Variants in ST18 observed in about 807,000 individuals in gnomAD.
ST18 encodes ST18 C2H2C-type zinc finger transcription factor.
A neutral mutation model predicts 110.0 loss-of-function variants in ST18; 50 were observed. That is an observed-to-expected ratio of 0.45 (90% CI 0.36 to 0.58). ST18 has a LOEUF of 0.58. Ranked by LOEUF, ST18 falls within the 20% of genes least tolerant of loss-of-function variation. ST18 has a pLI of 0.00. For missense variants in ST18, 1,306 were observed against 1,280.1 expected (o/e 1.02, Z -0.31); for synonymous variants, 461 against 452.4 (o/e 1.02, Z -0.24).
rs367778070 is a variant in ST18, at chr8:52,287,314, A to G, written c.-464-57237T>C. Among the ~76,000 whole-genome samples, 13 of 152,290 alleles carry G rather than the reference A, an allele frequency of 8.5e-5. No homozygotes were observed. In the East Asian group the frequency reaches 2.3e-3, roughly 27 times the overall value. Reference sequence around the variant, plus strand: ...ACATAGTATGCTAAGATTATGATAAAATTATCTGGGTAATTTTTCTGCTAT... The same window carrying G: ...ACATAGTATGCTAAGATTATGATAAGATTATCTGGGTAATTTTTCTGCTAT... On this transcript the variant is annotated intron_variant, in intron 2 of 25. Coordinates refer to ENST00000689386, the MANE Select transcript of ST18 (RefSeq NM_001352837.2).
At chr8:52,183,398 T>C (rs1022276948) in intron 8 of ST18, among the ~76,000 whole-genome samples, 28 of 152,154 alleles carry the variant, frequency 1.8e-4, no homozygotes, top group African/African-American at 6.8e-4. Context: ...ACTATAAAAA[T>C]AAAGTTCAAG....
At chr8:52,273,227 G>T (rs557441121) in intron 2 of ST18, among the ~76,000 whole-genome samples, 1 of 152,312 alleles carries the variant, frequency 6.6e-6, no homozygotes, top group African/African-American at 2.4e-5. Flanking sequence ...AGCCTGAGTT[G>T]CAGTCTAAGC....
At chr8:52,163,215 C>A (rs1449754330) in intron 13 of ST18, among the ~76,000 whole-genome samples, 1 of 152,142 alleles carries the variant, frequency 6.6e-6, no homozygotes, top group Non-Finnish European at 1.5e-5. Flanking sequence ...CCAATTTTGA[C>A]TCTTCATCAA....
intron 23 of ST18, among the ~76,000 whole-genome samples, chr8:52,122,928 C>T (rs2045558473): frequency 6.6e-6 from 1 of 151,940 alleles, no homozygotes; most frequent in South Asian, 2.1e-4. Context: ...TTATATATAA[C>T]TATATTTAGG....
intron 2 of ST18, among the ~76,000 whole-genome samples, chr8:52,396,176 A>G (rs1207267913): frequency 6.6e-6 from 1 of 152,194 alleles, no homozygotes; most frequent in Non-Finnish European, 1.5e-5. Context: ...ACTTATTTAC[A>G]AAAATCCCTA....
intron 2 of ST18, chr8:52,408,955 A>G (rs1845476184): frequency 1.3e-5 from 2 of 152,258 alleles, no homozygotes; most frequent in African/African-American, 4.8e-5. Flanking sequence ...TCCTAAATAG[A>G]AAGTGAGTCA....
chr8:52,370,651 C>A (rs1298338059), intron 2 of ST18, among the ~76,000 whole-genome samples: 1 of 152,148 alleles, frequency 6.6e-6, no homozygotes, highest in African/African-American at 2.4e-5. Flanking sequence ...CTGCTAGCAT[C>A]AAGCAGGCTT....
At chr8:52,275,891 A>G (rs1261568755) in intron 2 of ST18, among the ~76,000 whole-genome samples, 1 of 151,908 alleles carries the variant, frequency 6.6e-6, no homozygotes, top group Non-Finnish European at 1.5e-5. Flanking sequence ...AAGCAGCAAG[A>G]AACAAATGTG....
chr8:52,319,918 C>T (rs551150380), intron 2 of ST18, among the ~76,000 whole-genome samples: 24 of 152,270 alleles, frequency 1.6e-4, no homozygotes, highest in East Asian at 3.9e-4. Flanking sequence ...TATTCCAAGA[C>T]GAACGGGTGG....
chr8:52,150,297 T>A (rs570938926), intron 15 of ST18, among the ~76,000 whole-genome samples: 1 of 152,110 alleles, frequency 6.6e-6, no homozygotes, highest in African/African-American at 2.4e-5. Flanking sequence ...TATGTGTATA[T>A]ATATACACAT....
At chr8:52,141,824 G>T (rs1251607418) in intron 17 of ST18, among the ~76,000 whole-genome samples, 1 of 152,180 alleles carries the variant, frequency 6.6e-6, no homozygotes, top group African/African-American at 2.4e-5. Flanking sequence ...TGCCCCTGTG[G>T]GGTGGTGGGT....
chr8:52,396,026 G>T (rs1378644389), intron 2 of ST18, among the ~76,000 whole-genome samples: 1 of 151,940 alleles, frequency 6.6e-6, no homozygotes, highest in African/African-American at 2.4e-5. Flanking sequence ...TTTTTTAAAT[G>T]AATTTTATTG....
chr8:52,272,323 T>C (rs2095100963), intron 2 of ST18, among the ~76,000 whole-genome samples: 1 of 151,796 alleles, frequency 6.6e-6, no homozygotes, highest in Admixed American at 6.6e-5. Context: ...CTCCAAAATA[T>C]ATAATGAACT....
intron 23 of ST18, among the ~76,000 whole-genome samples, chr8:52,124,667 C>A (rs977556554): frequency 2.6e-5 from 4 of 152,108 alleles, no homozygotes; most frequent in African/African-American, 9.7e-5. Flanking sequence ...GTGAAAAGCT[C>A]TTTTACTGAG....
intron 2 of ST18, among the ~76,000 whole-genome samples, chr8:52,358,263 C>A (rs946422241): frequency 1.3e-4 from 20 of 151,776 alleles, no homozygotes; most frequent in Admixed American, 2.6e-4. Flanking sequence ...AAAAGGATCC[C>A]AAATTAATAT....
intron 2 of ST18, among the ~76,000 whole-genome samples, chr8:52,355,101 C>A (rs1822092709): frequency 6.6e-6 from 1 of 152,180 alleles, no homozygotes; most frequent in Non-Finnish European, 1.5e-5. Context: ...CCCTCCCACA[C>A]TGTGAGGGTT....
intron 8 of ST18, among the ~76,000 whole-genome samples, chr8:52,187,510 T>A (rs1486595089): frequency 6.6e-6 from 1 of 152,196 alleles, no homozygotes; most frequent in Non-Finnish European, 1.5e-5. Flanking sequence ...GATGGAAGAA[T>A]ATAAAAAGCT....
intron 2 of ST18, among the ~76,000 whole-genome samples, chr8:52,299,099 A>G (rs1162001721): frequency 6.6e-6 from 1 of 152,190 alleles, no homozygotes; most frequent in Non-Finnish European, 1.5e-5. Flanking sequence ...ATATTGCCTC[A>G]TGCTCACTCA....
intron 16 of ST18, among the ~76,000 whole-genome samples, chr8:52,147,792 A>G (rs1368655771): frequency 6.6e-6 from 1 of 152,142 alleles, no homozygotes; most frequent in Non-Finnish European, 1.5e-5. Flanking sequence ...TGTAGATGCA[A>G]TGTGCCATGA....
Sources: gnomAD v4.1 joint callset for allele counts (sites outside exome capture counted in the v4.1 genomes callset) on GRCh38, gnomAD v4.1.1 for gene constraint, MANE v1.5 for transcripts, NCBI Gene and HGNC (gene_info 2026-07-23, HGNC 2026-07-21) for gene names.